Variants in SIGMAR1 observed in about 807,000 individuals in gnomAD.
SIGMAR1 encodes the protein sigma non-opioid intracellular receptor 1, also known as SR31747 binding protein 1.
A neutral mutation model predicts 25.4 loss-of-function variants in SIGMAR1; 18 were observed. That is an observed-to-expected ratio of 0.71 (90% CI 0.49 to 1.05). The LOEUF is 1.05. SIGMAR1 is among the 50% of genes least tolerant of loss of function. The probability of loss-of-function intolerance (pLI) is 0.00; values close to 1 mark genes in which losing one functional copy is unlikely to be tolerated. For missense variants in SIGMAR1, 249 were observed against 301.6 expected (o/e 0.83, Z 1.29); for synonymous variants, 125 against 131.6 (o/e 0.95, Z 0.34).
Position 34,635,881 on chromosome 9 carries a change from G to A in SIGMAR1, c.446-23C>T. The A allele has an allele frequency of 1.2e-6, 2 of 1,613,358 alleles. No homozygotes were observed. The highest frequency in any genetic ancestry group is 1.7e-6 in the Non-Finnish European group (2 of 1,179,958). On this transcript the variant is annotated intron_variant, in intron 3 of 3. Coordinates refer to ENST00000277010, the MANE Select transcript of SIGMAR1 (RefSeq NM_005866.4). The surrounding 1 kb of genome is among the most constrained non-coding windows in gnomAD (Gnocchi z 4.5). ...CCCCTGGGGGACAGGGAGCACCCAAGTGAAAAGCCAGCTCTGCCCTGCCCT... is the reference window on the plus strand; with the variant it reads ...CCCCTGGGGGACAGGGAGCACCCAAATGAAAAGCCAGCTCTGCCCTGCCCT...
intron 3 of SIGMAR1, among the ~76,000 whole-genome samples, chr9:34,636,137 C>A (rs909062559): frequency 2.6e-5 from 4 of 152,068 alleles, no homozygotes; most frequent in Non-Finnish European, 4.4e-5. Context: ...TCACTCGAAT[C>A]AAGCAGAAAT....
In SIGMAR1 at chr9:34,635,877, C is replaced by T. The variant is rs781431829; in HGVS notation, c.446-19G>A. The T allele has an allele frequency of 4.2e-5, 67 of 1,613,402 alleles. No individual in the cohort carries two copies. The highest frequency in any genetic ancestry group is 5.5e-5 in the Non-Finnish European group (65 of 1,179,980). On this transcript the variant is annotated intron_variant, in intron 3 of 3. Transcript: ENST00000277010. The surrounding 1 kb of genome is among the most constrained non-coding windows in gnomAD (Gnocchi z 4.5). ...GTCTCCCCTGGGGGACAGGGAGCAC[C>T]CAAGTGAAAAGCCAGCTCTGCCCTG...
rs1192564356 is a variant in SIGMAR1 at position 34,637,527 on chromosome 9, C to G, written c.151+20G>C. 3 of 1,584,830 alleles carry G rather than the reference C, an allele frequency of 1.9e-6. No individual in the cohort carries two copies. Among genetic ancestry groups the G allele is most frequent in the Non-Finnish European group, 2.6e-6 (3 of 1,170,516 alleles). On this transcript the variant is annotated intron_variant, in intron 1 of 3. Transcript: ENST00000277010. ...CGCTCCCAGGCCGGCCGCTCCCCTC[C>G]CTGCCCTCTGCCCGCTCACCAGCGT...
In SIGMAR1 at chr9:34,637,365, G is replaced by C. The variant is rs751172704; in HGVS notation, c.207C>G (p.His69Gln). The C allele has an allele frequency of 1.2e-6, 2 of 1,605,632 alleles. No homozygotes were observed. Among genetic ancestry groups the C allele is most frequent in the Non-Finnish European group, 1.7e-6 (2 of 1,179,502 alleles). ...CCTCGTCGGGCAGCACGTGGCCTGGGTGCAGCCGCCGCAGCTCCACGATCA... is the reference window on the plus strand; with the variant it reads ...CCTCGTCGGGCAGCACGTGGCCTGGCTGCAGCCGCCGCAGCTCCACGATCA... ...SRLIVELRRL[H>Q]PGHVLPDEEL... Residue 69 changes from histidine to glutamine, a missense_variant, in exon 2 of 4, where the codon CAC (histidine) becomes CAG (glutamine). Coordinates refer to ENST00000277010, the MANE Select transcript of SIGMAR1 (RefSeq NM_005866.4).
intron 3 of SIGMAR1, among the ~76,000 whole-genome samples, chr9:34,636,102 G>A (rs1289400834): frequency 6.6e-6 from 1 of 152,074 alleles, no homozygotes; most frequent in Admixed American, 6.5e-5. Context: ...TGGACCCACT[G>A]TATGGAAGTC....
rs1261986263 is a variant in SIGMAR1 at position 34,635,903 on chromosome 9, C to T, written c.446-45G>A. Reference sequence around the variant, plus strand: ...CAAGTGAAAAGCCAGCTCTGCCCTGCCCTTCCATGGCTGCTGCTTCCCTGG... The same window carrying T: ...CAAGTGAAAAGCCAGCTCTGCCCTGTCCTTCCATGGCTGCTGCTTCCCTGG... On this transcript the variant is annotated intron_variant, in intron 3 of 3. Transcript: ENST00000277010. This position sits in a 1 kb window ranked among gnomAD's most constrained non-coding sequence, Gnocchi z 4.5. The T allele has an allele frequency of 1.2e-6, 2 of 1,611,156 alleles. No individual in the cohort carries two copies. The highest frequency in any genetic ancestry group is 1.7e-5 in the Admixed American group (1 of 59,932).
rs749754274 is a variant in SIGMAR1, at chr9:34,637,221, C to A, written c.351G>T (p.Ser117=). Reference sequence around the variant, plus strand: ...GTCTGGCCCGCCGCTAGCACTGACCCGAGTGGCCGCGGGAGCCCAAGGCGG... The same window carrying A: ...GTCTGGCCCGCCGCTAGCACTGACCAGAGTGGCCGCGGGAGCCCAAGGCGG... ...FGTALGSRGH[S]GRYWAEISDT... Residue 117 remains serine, a splice_region_variant and synonymous_variant, in exon 2 of 4, where the codon TCG becomes TCT. Transcript: ENST00000277010. 7 of 1,557,862 alleles carry A rather than the reference C, an allele frequency of 4.5e-6. No individual in the cohort carries two copies. The highest frequency in any genetic ancestry group is 3.8e-5 in the Admixed American group (2 of 52,378).
Position 34,637,088 on chromosome 9 carries a change from C to G in SIGMAR1, c.354G>C (p.Gly118=). The G allele has an allele frequency of 6.2e-7, 1 of 1,614,026 alleles. No individual in the cohort carries two copies. Among genetic ancestry groups the G allele is most frequent in the Non-Finnish European group, 8.5e-7 (1 of 1,180,032 alleles). ...TATCCGAGATCTCAGCCCAGTAGCG[C>G]CCTGAGTGACAATCGCACATGACAC... The part of the protein sequence containing the change: ...GTALGSRGHS[G]RYWAEISDTI... The change falls in exon 3 of 4, where the codon GGG becomes GGC. Residue 118 remains glycine, a splice_region_variant and synonymous_variant. Transcript: ENST00000277010.
At position 34,635,463 on chromosome 9, in the gene SIGMAR1, A is replaced by G. The variant is rs1329842399; in HGVS notation, c.*169T>C. On this transcript the variant is annotated 3_prime_UTR_variant, in exon 4 of 4. Transcript: ENST00000277010. The surrounding 1 kb of genome is among the most constrained non-coding windows in gnomAD (Gnocchi z 4.5). ...ATCTATATGTGTCTCATTTGTTCCC[A>G]TGGGTCTCTGTGTTTGGATACATAA... is the stretch of plus-strand genomic sequence containing the variant. The G allele has an allele frequency of 4.0e-6, 4 of 1,002,526 alleles. No homozygotes were observed. The highest frequency in any genetic ancestry group is 6.0e-6 in the Non-Finnish European group (4 of 667,776). 62.1% of individuals were successfully genotyped at this position (1,002,526 alleles called of 1,614,324 possible). A position where few individuals can be genotyped will look rare whatever the true frequency, so the allele number is the denominator to read the frequency against.
chr9:34,637,694 G>A lies in SIGMAR1; in HGVS notation c.4C>T (p.Gln2Ter). Residue 2 changes from glutamine (Q) to a stop codon, truncating the protein, a stop_gained, in exon 1 of 4, where the codon CAG becomes TAG. Transcript: ENST00000277010. LOFTEE classifies it high-confidence loss of function. M[Q>*]WAVGRRWAWA... ...GCCCACCGCCGGCCCACGGCCCACT[G>A]CATCCCGGCGGGCGGCCTGGCACGG... 1 of 1,524,588 alleles carries A rather than the reference G, an allele frequency of 6.6e-7. No individual in the cohort carries two copies. The highest frequency in any genetic ancestry group is 2.0e-5 in the Admixed American group (1 of 49,244). The allele number at this position is 1,524,588 out of a possible 1,614,324, so 94.4% of individuals were successfully genotyped here. A position where few individuals can be genotyped will look rare whatever the true frequency, so the allele number is the denominator to read the frequency against.
Position 34,635,503 on chromosome 9 carries a change from G to T in SIGMAR1, c.*129C>A. The T allele has an allele frequency of 7.2e-7, 1 of 1,385,422 alleles. No homozygotes were observed. The allele number at this position is 1,385,422 out of a possible 1,614,324, so 85.8% of individuals were successfully genotyped here. On this transcript the variant is annotated 3_prime_UTR_variant, in exon 4 of 4. Transcript: ENST00000277010. The surrounding 1 kb of genome is among the most constrained non-coding windows in gnomAD (Gnocchi z 4.5). Reference sequence around the variant, plus strand: ...TGGATACATAAGCATGGATATCCCTGCTCATACAGCAGGAACTCAGGATCT... The same window carrying T: ...TGGATACATAAGCATGGATATCCCTTCTCATACAGCAGGAACTCAGGATCT...
chr9:34,637,745 T>C lies in SIGMAR1; in HGVS notation c.-48A>G, dbSNP rs1311817126. ...CGCAGCTCAGGAGGGAGCCGGGGCCTGAGGCTTTGCGCTCACGGCCTCGGA... is the reference window on the plus strand; with the variant it reads ...CGCAGCTCAGGAGGGAGCCGGGGCCCGAGGCTTTGCGCTCACGGCCTCGGA... On this transcript the variant is annotated 5_prime_UTR_variant, in exon 1 of 4. Transcript: ENST00000277010. 6 of 1,344,902 alleles carry C rather than the reference T, an allele frequency of 4.5e-6. No homozygotes were observed. Among genetic ancestry groups the C allele is most frequent in the South Asian group, 3.1e-5 (2 of 65,296 alleles). The allele number at this position is 1,344,902 out of a possible 1,614,324, so 83.3% of individuals were successfully genotyped here. A position where few individuals can be genotyped will look rare whatever the true frequency, so the allele number is the denominator to read the frequency against.
chr9:34,636,899 C>T (rs879445361), intron 3 of SIGMAR1, 98 bp downstream of exon 3: 3 of 969,164 alleles, frequency 3.1e-6, no homozygotes, highest in Admixed American at 2.0e-5. Context: ...ATGAGGAGGG[C>T]CCCCCCAACA....
intron 3 of SIGMAR1, among the ~76,000 whole-genome samples, chr9:34,636,083 G>A (rs1026112485): frequency 2.0e-5 from 3 of 152,036 alleles, no homozygotes; most frequent in East Asian, 1.9e-4. Context: ...CGGCTACCTC[G>A]CTTGGCCATG....
Position 34,637,091 on chromosome 9 carries a change from T to A in SIGMAR1, c.353-2A>T, listed in dbSNP as rs11559050. ...CCGAGATCTCAGCCCAGTAGCGCCC[T>A]GAGTGACAATCGCACATGACACTAT... On this transcript the variant is annotated splice_acceptor_variant, in intron 2 of 3. Coordinates refer to ENST00000277010, the MANE Select transcript of SIGMAR1 (RefSeq NM_005866.4). LOFTEE classifies it high-confidence loss of function. The A allele has an allele frequency of 6.2e-7, 1 of 1,613,814 alleles. No homozygotes were observed. Among genetic ancestry groups the A allele is most frequent in the Non-Finnish European group, 8.5e-7 (1 of 1,180,028 alleles).
Position 34,635,187 on chromosome 9 carries a change from C to A in SIGMAR1, c.*445G>T. On this transcript the variant is annotated 3_prime_UTR_variant, in exon 4 of 4. Transcript: ENST00000277010. This position sits in a 1 kb window ranked among gnomAD's most constrained non-coding sequence, Gnocchi z 4.5. The stretch of plus-strand genomic sequence containing the variant: ...CCTCCAAAAGGCAGCTCCTCTTCCC[C>A]CTCATCCCCTCAAATTGCTGCTGGG... 3.8e-6 allele frequency: 1 copy of A among 263,432 alleles called. No homozygotes were observed. Among genetic ancestry groups the A allele is most frequent in the Non-Finnish European group, 7.5e-6 (1 of 132,620 alleles). The allele number at this position is 263,432 out of a possible 1,614,324, so 16.3% of individuals were successfully genotyped here. A position where few individuals can be genotyped will look rare whatever the true frequency, so the allele number is the denominator to read the frequency against.
rs892812356 is a variant in SIGMAR1 at position 34,635,729 on chromosome 9, C to T, written c.575G>A (p.Ser192Asn). The part of the protein sequence containing the change: ...LAFALADTVF[S>N]TQDFLTLFYT... Reference sequence around the variant, plus strand: ...GAAGAGGGTGAGGAAGTCCTGGGTGCTGAAGACAGTGTCGGCCAGCGCGAA... The same window carrying T: ...GAAGAGGGTGAGGAAGTCCTGGGTGTTGAAGACAGTGTCGGCCAGCGCGAA... The change falls in exon 4 of 4, where the codon AGC becomes AAC. Residue 192 changes from serine to asparagine, a missense_variant. By Grantham distance (46) the Ser-to-Asn change is conservative (BLOSUM62 1). Transcript: ENST00000277010. This position sits in a 1 kb window ranked among gnomAD's most constrained non-coding sequence, Gnocchi z 4.5. 1 of 1,614,120 alleles carries T rather than the reference C, an allele frequency of 6.2e-7. No individual in the cohort carries two copies. The highest frequency in any genetic ancestry group is 1.7e-5 in the Admixed American group (1 of 60,010).
Position 34,635,784 on chromosome 9 carries a change from C to A in SIGMAR1, c.520G>T (p.Gly174Cys). 1 of 1,614,202 alleles carries A rather than the reference C, an allele frequency of 6.2e-7. No homozygotes were observed. The highest frequency in any genetic ancestry group is 1.1e-5 in the South Asian group (1 of 91,092). ...AGGGTGGATGGGATGACGCCCCGGC[C>A]GTACTCCACCATCCATGTGTTTGGC... ...WGPNTWMVEYGRGVIPSTLAF... is the reference protein window; with the variant it reads ...WGPNTWMVEYCRGVIPSTLAF... Residue 174 changes from glycine to cysteine, a missense_variant, in exon 4 of 4, where the codon GGC becomes TGC. Physicochemically the swap from Gly to Cys is radical, Grantham distance 159 (BLOSUM62 -3). Coordinates refer to ENST00000277010, the MANE Select transcript of SIGMAR1 (RefSeq NM_005866.4). The surrounding 1 kb of genome is among the most constrained non-coding windows in gnomAD (Gnocchi z 4.5).
chr9:34,635,883 G>C lies in SIGMAR1; in HGVS notation c.446-25C>G, dbSNP rs773949106. The C allele has an allele frequency of 1.9e-6, 3 of 1,613,220 alleles. No homozygotes were observed. The East Asian group carries it at 6.7e-5, about 36-fold the overall frequency. On this transcript the variant is annotated intron_variant, in intron 3 of 3. Transcript: ENST00000277010. This position sits in a 1 kb window ranked among gnomAD's most constrained non-coding sequence, Gnocchi z 4.5. ...CCTGGGGGACAGGGAGCACCCAAGT[G>C]AAAAGCCAGCTCTGCCCTGCCCTTC...
Sources: allele counts gnomAD v4.1 joint callset (sites outside exome capture counted in the v4.1 genomes callset), GRCh38; gene constraint gnomAD v4.1.1; non-coding constraint Gnocchi (gnomAD v3.1); transcripts MANE v1.5; gene names NCBI Gene and HGNC (gene_info 2026-07-23, HGNC 2026-07-21).